The following SP3 variants were observed in gnomAD, a reference collection of about 807,000 sequenced individuals.
SP3 encodes the protein Sp3 transcription factor, also known as transcription factor Sp3.
A neutral mutation model predicts 70.3 loss-of-function variants in SP3; 10 were observed. That is an observed-to-expected ratio of 0.14 (90% CI 0.09 to 0.24). The LOEUF (loss-of-function observed/expected upper bound fraction) is 0.24, where lower values mean the gene tolerates loss of function less well. Ranked by LOEUF, SP3 falls within the 10% of genes least tolerant of loss-of-function variation. The probability of loss-of-function intolerance (pLI) is 1.00; values close to 1 mark genes in which losing one functional copy is unlikely to be tolerated. For synonymous variants in SP3, 402 were observed against 333.5 expected (o/e 1.21, Z -2.24); for missense variants, 825 against 914.6 (o/e 0.90, Z 1.26).
intron 4 of SP3, among the ~76,000 whole-genome samples, chr2:173,925,856 C>T (rs988635334): frequency 1.3e-5 from 2 of 152,140 alleles, no homozygotes; most frequent in Admixed American, 6.5e-5. Context: ...AAAAGCTGTT[C>T]TACCAGGTTA....
At chr2:173,931,347 G>T (rs1418100690) in intron 4 of SP3, among the ~76,000 whole-genome samples, 1 of 151,742 alleles carries the variant, frequency 6.6e-6, no homozygotes, top group African/African-American at 2.4e-5. Flanking sequence ...TGGCATTTTT[G>T]TTGTTGTTGT....
Position 173,909,971 on chromosome 2 carries a change from G to T in SP3, c.2316C>A (p.Val772=). The change falls in exon 7 of 7, where the codon GTC becomes GTA. Residue 772 remains valine, a synonymous_variant. Coordinates refer to ENST00000310015, the MANE Select transcript of SP3 (RefSeq NM_003111.5). The stretch of plus-strand genomic sequence containing the variant: ...CCATTGTCTCATTTCCAGAAACTGT[G>T]ACAAGCTGTAAAGGTATTTCAGTGT... ...LTNTEIPLQL[V]TVSGNETME 6.2e-7 allele frequency: 1 copy of T among 1,613,780 alleles called. No homozygotes were observed. The highest frequency in any genetic ancestry group is 1.1e-5 in the South Asian group (1 of 90,994).
chr2:173,941,383 G>A (rs1341992218), intron 4 of SP3, among the ~76,000 whole-genome samples: 2 of 152,192 alleles, frequency 1.3e-5, no homozygotes, highest in Admixed American at 6.5e-5. Context: ...TAAGGCAGGT[G>A]GATAACGTGA....
intron 4 of SP3, among the ~76,000 whole-genome samples, chr2:173,948,538 A>G (rs1690615019): frequency 6.6e-6 from 1 of 152,164 alleles, no homozygotes; most frequent in Admixed American, 6.5e-5. Flanking sequence ...GGGGGCGACT[A>G]TTCTATTTTC....
intron 3 of SP3, 51 bp from the exon 4 acceptor site, chr2:173,956,283 C>A (rs755180440): frequency 6.6e-7 from 1 of 1,512,138 alleles, no homozygotes; most frequent in South Asian, 1.3e-5. Context: ...TTTAAATCAA[C>A]CCTCAAAAAA....
intron 1 of SP3, chr2:173,964,836 GCCGCTCGCTCTCACTC>G (rs1347933309): frequency 6.4e-6 from 3 of 471,068 alleles, no homozygotes; most frequent in African/African-American, 4.2e-5. Context: ...TTCCCTTCGC[GCCGCTCGCTCTCACTC>G]GCGCTCGCTC....
At chr2:173,962,180 G>T (rs1198261034) in intron 3 of SP3, among the ~76,000 whole-genome samples, 1 of 151,888 alleles carries the variant, frequency 6.6e-6, no homozygotes, top group Non-Finnish European at 1.5e-5. Context: ...TTCTATCCTT[G>T]GGCCTCAGAC....
intron 4 of SP3, among the ~76,000 whole-genome samples, chr2:173,954,055 G>T (rs1363552085): frequency 6.6e-6 from 1 of 152,178 alleles, no homozygotes; most frequent in Non-Finnish European, 1.5e-5. Context: ...CCTGGTGAAA[G>T]AATGTTAGTA....
intron 1 of SP3, chr2:173,964,960 G>C: frequency 1.6e-6 from 1 of 624,752 alleles, no homozygotes. Flanking sequence ...GGCCTGGCGG[G>C]GAGACGGCGT....
chr2:173,935,865 A>G (rs1231870793), intron 4 of SP3, among the ~76,000 whole-genome samples: 1 of 141,844 alleles, frequency 7.1e-6, no homozygotes, highest in African/African-American at 3.2e-5. Context: ...CAACGGATTC[A>G]TCTCTTGTAT....
intron 4 of SP3, among the ~76,000 whole-genome samples, chr2:173,926,087 CTT>C (rs1010489825): frequency 9.2e-5 from 14 of 152,282 alleles, no homozygotes; most frequent in African/African-American, 3.4e-4. Context: ...TCAAACTGCT[CTT>C]GATTCAAAAC....
intron 3 of SP3, 74 bp from the exon 4 acceptor site, chr2:173,956,306 G>A (rs2105500192): frequency 6.9e-7 from 1 of 1,456,130 alleles, no homozygotes; most frequent in Non-Finnish European, 9.1e-7. Context: ...CTAAAAACTG[G>A]TATAAATCCT....
rs1481342549 is a variant in SP3 at position 173,905,328 on chromosome 2, A to C, written c.*4613T>G. Among the ~76,000 whole-genome samples, 2 of 152,198 alleles carry C rather than the reference A, an allele frequency of 1.3e-5. No individual in the cohort carries two copies. The highest frequency in any genetic ancestry group is 2.9e-5 in the Non-Finnish European group (2 of 68,034). On this transcript the variant is annotated 3_prime_UTR_variant, in exon 7 of 7. Transcript: ENST00000310015. The stretch of plus-strand genomic sequence containing the variant: ...TACCGTTAAGTCAGGCACTATGCTG[A>C]ATGCTTATATTTTAATACAACAATC...
chr2:173,927,608 A>G (rs1370150329), intron 4 of SP3, among the ~76,000 whole-genome samples: 1 of 152,162 alleles, frequency 6.6e-6, no homozygotes, highest in East Asian at 1.9e-4. Flanking sequence ...TTGAAATGCA[A>G]TGGTAATGGC....
intron 4 of SP3, among the ~76,000 whole-genome samples, chr2:173,923,953 C>CT (rs752672487): frequency 6.6e-6 from 1 of 151,720 alleles, no homozygotes; most frequent in African/African-American, 2.4e-5. Context: ...TTTTTTTCAA[C>CT]TTTTCTTCTA....
At chr2:173,937,383 A>G (rs879749199) in intron 4 of SP3, among the ~76,000 whole-genome samples, 1 of 152,204 alleles carries the variant, frequency 6.6e-6, no homozygotes, top group African/African-American at 2.4e-5. Flanking sequence ...GAAATAGCCT[A>G]AACAGTCAAA....
chr2:173,933,311 T>C (rs191168349), intron 4 of SP3, among the ~76,000 whole-genome samples: 16 of 152,190 alleles, frequency 1.1e-4, no homozygotes, highest in African/African-American at 3.6e-4. Context: ...TTACAGCACA[T>C]CTCAATTCAG....
At chr2:173,961,080 T>G (rs1691057965) in intron 3 of SP3, among the ~76,000 whole-genome samples, 1 of 152,216 alleles carries the variant, frequency 6.6e-6, no homozygotes. Context: ...CTGGTCAAAG[T>G]TAATACTTGC....
At chr2:173,913,321 T>C (rs1012239475) in intron 5 of SP3, 55 bp from the exon 6 acceptor site, 1 of 1,256,330 alleles carries the variant, frequency 8.0e-7, no homozygotes, top group Non-Finnish European at 1.1e-6. Flanking sequence ...CAAATGGACA[T>C]TACCATTTAC....
Sources: gnomAD v4.1 joint callset for allele counts (sites outside exome capture counted in the v4.1 genomes callset) on GRCh38, gnomAD v4.1.1 for gene constraint, MANE v1.5 for transcripts, NCBI Gene and HGNC (gene_info 2026-07-23, HGNC 2026-07-21) for gene names.